CCNT2: variants seen among roughly 807,000 people sequenced by gnomAD.
The protein encoded by CCNT2 is cyclin-T2.
A neutral mutation model predicts 70.0 loss-of-function variants in CCNT2; 18 were observed. The observed-to-expected ratio is 0.26, with a 90% CI of 0.18 to 0.38. CCNT2 has a LOEUF of 0.38. Among genes scored for constraint, CCNT2 ranks in the 10% least tolerant of loss-of-function variants. CCNT2 has a pLI of 1.00. For missense variants in CCNT2, 734 were observed against 890.2 expected, an observed-to-expected ratio of 0.82 and a Z score of 2.23; for synonymous variants, 334 against 313.3, an observed-to-expected ratio of 1.07 and a Z score of -0.70.
Position 134,919,878 on chromosome 2 carries a change from A to G in CCNT2, c.227A>G (p.Lys76Arg), listed in dbSNP as rs959282900. Residue 76 changes from lysine (K) to arginine (R), a missense_variant, in exon 2 of 9, where the codon AAA becomes AGA. By Grantham distance (26) the Lys-to-Arg change is conservative. Transcript: ENST00000264157. ...TTTTATATGCACCATTCTTTCACCAAATTCAACAAAAATGTAAGTACTAGT... is the reference window on the plus strand; with the variant it reads ...TTTTATATGCACCATTCTTTCACCAGATTCAACAAAAATGTAAGTACTAGT... The part of the protein sequence containing the change: ...HRFYMHHSFT[K>R]FNKNIISSTA... The G allele has an allele frequency of 6.2e-7, 1 of 1,606,080 alleles. No homozygotes were observed. The highest frequency in any genetic ancestry group is 1.4e-5 in the African/African-American group (1 of 72,300).
In CCNT2 at chr2:134,958,067, T is replaced by C. The variant is rs1683026720; in HGVS notation, c.*3419T>C. 1 of 152,234 alleles carries C rather than the reference T, an allele frequency of 6.6e-6. No individual in the cohort carries two copies. Among genetic ancestry groups the C allele is most frequent in the Non-Finnish European group, 1.5e-5 (1 of 68,036 alleles). 9.4% of individuals were successfully genotyped at this position (152,234 alleles called of 1,614,324 possible). On this transcript the variant is annotated 3_prime_UTR_variant, in exon 9 of 9. Transcript: ENST00000264157. ...TATTTGAGAACTTAAATTGCTGACT[T>C]GTATTCGTTAAGCAACCTTAGAAAT...
At chr2:134,944,591 A>C (rs1027765243) in intron 5 of CCNT2, 9 of 978,002 alleles carry the variant, frequency 9.2e-6, no homozygotes, top group Non-Finnish European at 1.1e-5. Flanking sequence ...ATCCAAAACA[A>C]ATATTTAGAC....
At chr2:134,919,145 T>C in intron 1 of CCNT2, 133 bp downstream of exon 1, 1 of 1,054,996 alleles carries the variant, frequency 9.5e-7, no homozygotes, top group Non-Finnish European at 1.3e-6. Flanking sequence ...GAAGTAATGT[T>C]CCGGCTCGGG....
intron 2 of CCNT2, among the ~76,000 whole-genome samples, chr2:134,934,801 A>C (rs964349093): frequency 8.5e-5 from 13 of 152,196 alleles, no homozygotes; most frequent in African/African-American, 2.9e-4. Flanking sequence ...ACAGGAAGGA[A>C]GTTTAAGTAC....
chr2:134,943,937 T>A, intron 5 of CCNT2: 1 of 955,172 alleles, frequency 1.0e-6, no homozygotes, highest in Non-Finnish European at 1.2e-6. Context: ...AGTATTTACC[T>A]AAGTATTCTC....
chr2:134,928,505 C>T (rs903303700), intron 2 of CCNT2, among the ~76,000 whole-genome samples: 7 of 151,624 alleles, frequency 4.6e-5, no homozygotes, highest in African/African-American at 1.7e-4. Flanking sequence ...CTAGAACTCC[C>T]GACCTCAGGT....
chr2:134,921,947 C>A (rs1332889676), intron 2 of CCNT2, among the ~76,000 whole-genome samples: 2 of 151,756 alleles, frequency 1.3e-5, no homozygotes, highest in Non-Finnish European at 2.9e-5. Context: ...ATTATTATAC[C>A]CTTCATATCT....
In CCNT2 at chr2:134,927,895, A is replaced by G. The variant is rs576890294; in HGVS notation, c.240+8004A>G. On this transcript the variant is annotated intron_variant, in intron 2 of 8. Transcript: ENST00000264157. The stretch of plus-strand genomic sequence containing the variant: ...CTAAGGCTCTGATTGTTAGTGACAT[A>G]TTACATACTCTTTATATGGCTATAC... Among the ~76,000 whole-genome samples the G allele has an allele frequency of 1.2e-3, 188 of 152,322 alleles. 1 individual carries two copies. The highest frequency in any genetic ancestry group is 1.9e-3 in the Non-Finnish European group (131 of 68,038).
intron 2 of CCNT2, among the ~76,000 whole-genome samples, chr2:134,926,692 G>T (rs1392266813): frequency 6.6e-6 from 1 of 152,162 alleles, no homozygotes; most frequent in East Asian, 1.9e-4. Flanking sequence ...CCATTCCTTT[G>T]CATCTTGTTG....
At chr2:134,919,135 G>C (rs528319755) in intron 1 of CCNT2, 123 bp downstream of exon 1, 1 of 1,141,910 alleles carries the variant, frequency 8.8e-7, no homozygotes, top group East Asian at 2.5e-5. Context: ...CGCGGTCAGG[G>C]AAGTAATGTT....
chr2:134,944,995 A>G lies in CCNT2; in HGVS notation c.494-1106A>G, dbSNP rs1434256975. 6 of 985,336 alleles carry G rather than the reference A, an allele frequency of 6.1e-6. No homozygotes were observed. The East Asian group carries it at 6.8e-4, about 112-fold the overall frequency. The allele number at this position is 985,336 out of a possible 1,614,324, so 61.0% of individuals were successfully genotyped here. ...CTCTGGAGATGAGAAAGTTGGTATTATGCTACTTTGCTGCAGAATTGGCTA... is the reference window on the plus strand; with the variant it reads ...CTCTGGAGATGAGAAAGTTGGTATTGTGCTACTTTGCTGCAGAATTGGCTA... On this transcript the variant is annotated intron_variant, in intron 5 of 8. Transcript: ENST00000264157.
At chr2:134,944,705 G>A (rs913058557) in intron 5 of CCNT2, 2 of 983,494 alleles carry the variant, frequency 2.0e-6, no homozygotes, top group African/African-American at 3.5e-5. Context: ...CAGGTAACTA[G>A]AATATATCTC....
chr2:134,936,969 T>C lies in CCNT2; in HGVS notation c.369T>C (p.Asp123=). Residue 123 remains aspartate (D), a splice_region_variant and synonymous_variant, in exon 3 of 9, where the codon GAT becomes GAC. Coordinates refer to ENST00000264157, the MANE Select transcript of CCNT2 (RefSeq NM_058241.3). ...AGCCACTGCTGGATACTAAATGTGA[T>C]GTATGTAAATACTGGGTTTTTTATT... ...PLEPLLDTKC[D]AYLQQTQELV... is the part of the protein sequence containing the mutation. The C allele has an allele frequency of 6.2e-7, 1 of 1,600,192 alleles. No individual in the cohort carries two copies. The highest frequency in any genetic ancestry group is 8.5e-7 in the Non-Finnish European group (1 of 1,171,712).
In CCNT2 at chr2:134,942,661, C is replaced by T; in HGVS notation, c.480C>T (p.Thr160=). The change falls in exon 5 of 9, where the codon ACC becomes ACT. Residue 160 remains threonine (T), a synonymous_variant. Transcript: ENST00000264157. ...EHPHTDVVKC[T]QLVRASKDLA... ...CACACACAGATGTGGTGAAATGTACCCAGTTAGTAAGAGGTAGGTGATCCT... is the reference window on the plus strand; with the variant it reads ...CACACACAGATGTGGTGAAATGTACTCAGTTAGTAAGAGGTAGGTGATCCT... The T allele has an allele frequency of 6.2e-7, 1 of 1,609,006 alleles. No homozygotes were observed. The highest frequency in any genetic ancestry group is 1.1e-5 in the South Asian group (1 of 90,408).
intron 4 of CCNT2, among the ~76,000 whole-genome samples, chr2:134,941,176 T>C (rs1681554086): frequency 1.3e-5 from 2 of 152,112 alleles, no homozygotes; most frequent in Admixed American, 6.5e-5. Context: ...TTGTGGTGTA[T>C]TTCTGTAAAG....
At chr2:134,925,128 T>C (rs1680192680) in intron 2 of CCNT2, among the ~76,000 whole-genome samples, 1 of 152,206 alleles carries the variant, frequency 6.6e-6, no homozygotes, top group Non-Finnish European at 1.5e-5. Context: ...AGTCTGGTTG[T>C]CTCTCTTTGT....
At chr2:134,928,524 C>T (rs1054487579) in intron 2 of CCNT2, among the ~76,000 whole-genome samples, 6 of 151,698 alleles carry the variant, frequency 4.0e-5, no homozygotes, top group South Asian at 2.1e-4. Flanking sequence ...GTGATCCGCC[C>T]GCCTCAGCCT....
At chr2:134,943,592 C>T in intron 5 of CCNT2, 1 of 984,876 alleles carries the variant, frequency 1.0e-6, no homozygotes, top group Non-Finnish European at 1.2e-6. Context: ...TGTTTATAAA[C>T]AGGAGTACTT....
chr2:134,927,124 A>G (rs964570878), intron 2 of CCNT2, among the ~76,000 whole-genome samples: 1 of 152,210 alleles, frequency 6.6e-6, no homozygotes, highest in Non-Finnish European at 1.5e-5. Context: ...TACAAAGAAT[A>G]TATGATATTT....
Sources: gnomAD v4.1 joint callset for allele counts (sites outside exome capture counted in the v4.1 genomes callset) on GRCh38, gnomAD v4.1.1 for gene constraint, MANE v1.5 for transcripts, NCBI Gene and HGNC (gene_info 2026-07-23, HGNC 2026-07-21) for gene names.